Variants in LYRM7 observed in about 807,000 individuals in gnomAD.
The protein encoded by LYRM7 is LYR motif containing 7, also known as complex III assembly factor LYRM7.
In LYRM7, 9 loss-of-function variants were observed where a neutral mutation model predicts 15.8. The observed-to-expected ratio is 0.57, with a 90% CI of 0.34 to 0.99. LYRM7 has a LOEUF of 0.99. Ranked by LOEUF, LYRM7 falls within the 50% of genes least tolerant of loss-of-function variation. The probability of loss-of-function intolerance (pLI) is 0.02; values close to 1 mark genes in which losing one functional copy is unlikely to be tolerated. For synonymous variants in LYRM7, 39 were observed against 39.4 expected (o/e 0.99, Z 0.04); for missense variants, 115 against 119.1 (o/e 0.97, Z 0.16).
chr5:131,190,522 C>G (rs1217293579), intron 4 of LYRM7, among the ~76,000 whole-genome samples: 1 of 148,102 alleles, frequency 6.8e-6, no homozygotes, highest in Admixed American at 6.8e-5. Flanking sequence ...CGGATTTTCG[C>G]TCTCGTCACC....
intron 1 of LYRM7, among the ~76,000 whole-genome samples, chr5:131,172,525 G>A (rs1755539144): frequency 6.6e-6 from 1 of 152,158 alleles, no homozygotes; most frequent in Non-Finnish European, 1.5e-5. Flanking sequence ...CTAGCACATG[G>A]AAAGTCCTTG....
At chr5:131,191,687 A>C (rs1290653351) in intron 4 of LYRM7, among the ~76,000 whole-genome samples, 2 of 152,198 alleles carry the variant, frequency 1.3e-5, no homozygotes, top group African/African-American at 4.8e-5. Context: ...TTAAAACCAC[A>C]ATGAAATATC....
At chr5:131,187,787 A>G (rs1394145518) in intron 4 of LYRM7, among the ~76,000 whole-genome samples, 5 of 152,066 alleles carry the variant, frequency 3.3e-5, no homozygotes, top group African/African-American at 7.2e-5. Flanking sequence ...CACCTGGCCT[A>G]TAATTAGTTA....
chr5:131,191,334 T>G (rs1469333126), intron 4 of LYRM7, among the ~76,000 whole-genome samples: 1 of 152,154 alleles, frequency 6.6e-6, no homozygotes, highest in Non-Finnish European at 1.5e-5. Context: ...AAAATTCTGC[T>G]TCTTGTTTAG....
chr5:131,181,458 T>TATATATGTATATATATATATAAAAC (rs1755710926), intron 2 of LYRM7, among the ~76,000 whole-genome samples: 1 of 112,960 alleles, frequency 8.9e-6, no homozygotes, highest in African/African-American at 4.9e-5. Flanking sequence ...ATATAAAACA[T>TATATATGTATATATATATATAAAAC]ATATATGTAT....
At chr5:131,186,873 A>G (rs1755802461) in intron 3 of LYRM7, among the ~76,000 whole-genome samples, 155 bp from the exon 4 acceptor site, 1 of 152,240 alleles carries the variant, frequency 6.6e-6, no homozygotes, top group South Asian at 2.1e-4. Flanking sequence ...TAATATTTTC[A>G]GACCACAGTT....
intron 3 of LYRM7, among the ~76,000 whole-genome samples, chr5:131,182,982 G>T (rs1417613311): frequency 6.6e-6 from 1 of 152,068 alleles, no homozygotes; most frequent in Non-Finnish European, 1.5e-5. Context: ...AAAATAATTT[G>T]CAAGATAGTT....
rs558716760 is a variant in LYRM7 at position 131,199,773 on chromosome 5, G to T, written c.*172G>T. ...TAAAAGGTCATTACTGAGAACTAAA[G>T]AACATAATTAAGTATTTCTAAAGGA... On this transcript the variant is annotated 3_prime_UTR_variant, in exon 5 of 5. Coordinates refer to ENST00000379380, the MANE Select transcript of LYRM7 (RefSeq NM_181705.4). 1.5e-4 allele frequency: 63 copies of T among 418,248 alleles called. 1 individual carries two copies. In the South Asian group the frequency reaches 4.3e-3, roughly 29 times the overall value. 25.9% of individuals were successfully genotyped at this position (418,248 alleles called of 1,614,324 possible). A position where few individuals can be genotyped will look rare whatever the true frequency, so the allele number is the denominator to read the frequency against.
chr5:131,185,577 A>G (rs1455588459), intron 3 of LYRM7, among the ~76,000 whole-genome samples: 1 of 152,220 alleles, frequency 6.6e-6, no homozygotes, highest in African/African-American at 2.4e-5. Flanking sequence ...AGATATTGAC[A>G]TAGTTCATTA....
chr5:131,182,177 A>G, intron 2 of LYRM7, 52 bp from the exon 3 acceptor site: 1 of 1,312,484 alleles, frequency 7.6e-7, no homozygotes, highest in Non-Finnish European at 1.0e-6. Context: ...TTATTGAGAT[A>G]GGAATTATAG....
Position 131,180,129 on chromosome 5 carries a change from GACA to G in LYRM7, c.58_60del (p.Gln20del), listed in dbSNP as rs1369116770. The G allele has an allele frequency of 5.6e-6, 9 of 1,612,922 alleles. No individual in the cohort carries two copies. Among genetic ancestry groups the G allele is most frequent in the Non-Finnish European group, 7.6e-6 (9 of 1,179,346 alleles). Reference sequence around the variant, plus strand: ...CTCTTTAAAACACTGCACAGGACCAGACAACAAGTTTTTAAAAATGATGCCAGA... The same window carrying G: ...CTCTTTAAAACACTGCACAGGACCAGACAAGTTTTTAAAAATGATGCCAGA... On this transcript the variant is annotated inframe_deletion, in exon 2 of 5. Coordinates refer to ENST00000379380, the MANE Select transcript of LYRM7 (RefSeq NM_181705.4).
chr5:131,196,706 C>T (rs1755970540), intron 4 of LYRM7, among the ~76,000 whole-genome samples: 2 of 151,672 alleles, frequency 1.3e-5, no homozygotes, highest in South Asian at 2.1e-4. Flanking sequence ...CTAGCTCTGT[C>T]GCCCAGGCTG....
chr5:131,181,800 T>C (rs1755717778), intron 2 of LYRM7, among the ~76,000 whole-genome samples: 1 of 152,102 alleles, frequency 6.6e-6, no homozygotes, highest in Admixed American at 6.6e-5. Flanking sequence ...TATGTACACA[T>C]ATATCCTGTT....
At chr5:131,175,998 G>A (rs895691929) in intron 1 of LYRM7, among the ~76,000 whole-genome samples, 28 of 152,104 alleles carry the variant, frequency 1.8e-4, no homozygotes, top group African/African-American at 6.8e-4. Context: ...GTGCTCAAGC[G>A]ATCCACCCAC....
chr5:131,184,776 C>T (rs1755769546), intron 3 of LYRM7, among the ~76,000 whole-genome samples: 1 of 151,980 alleles, frequency 6.6e-6, no homozygotes, highest in African/African-American at 2.4e-5. Flanking sequence ...CCTCCAGTGG[C>T]TGAGGAGACC....
At chr5:131,181,369 ATATG>A (rs1156801955) in intron 2 of LYRM7, among the ~76,000 whole-genome samples, 3 of 30,546 alleles carry the variant, frequency 9.8e-5, no homozygotes, top group African/African-American at 6.4e-4. Context: ...ATTAACATAT[ATATG>A]TATATATAAT....
intron 1 of LYRM7, among the ~76,000 whole-genome samples, chr5:131,175,433 A>G (rs1017058847): frequency 6.6e-6 from 1 of 151,984 alleles, no homozygotes; most frequent in African/African-American, 2.4e-5. Flanking sequence ...TCCTGACCTC[A>G]GGTGATCTGC....
intron 1 of LYRM7, among the ~76,000 whole-genome samples, chr5:131,176,595 G>A (rs1755606837): frequency 6.6e-6 from 1 of 150,544 alleles, no homozygotes; most frequent in Non-Finnish European, 1.5e-5. Context: ...TTTAGATTCA[G>A]AGAGTACATA....
chr5:131,185,405 C>A (rs1293651025), intron 3 of LYRM7, among the ~76,000 whole-genome samples: 2 of 152,154 alleles, frequency 1.3e-5, no homozygotes, highest in South Asian at 2.1e-4. Flanking sequence ...GTTGCCTCTT[C>A]TTGGGATATT....
Sources: allele counts gnomAD v4.1 joint callset (sites outside exome capture counted in the v4.1 genomes callset), GRCh38; gene constraint gnomAD v4.1.1; transcripts MANE v1.5; gene names NCBI Gene and HGNC (gene_info 2026-07-23, HGNC 2026-07-21).